The following PRCP variants were observed in gnomAD, a reference collection of about 807,000 sequenced individuals.
PRCP encodes lysosomal Pro-X carboxypeptidase.
A neutral mutation model predicts 54.2 loss-of-function variants in PRCP; 46 were observed. That is an observed-to-expected ratio of 0.85 (90% CI 0.67 to 1.09). The LOEUF is 1.09. Ranked by LOEUF, PRCP falls within the 50% of genes least tolerant of loss-of-function variation. The pLI is 0.00. For missense variants in PRCP, 613 were observed against 596.8 expected, an observed-to-expected ratio of 1.03 and a Z score of -0.28; for synonymous variants, 240 against 212.2, an observed-to-expected ratio of 1.13 and a Z score of -1.14.
intron 8 of PRCP, among the ~76,000 whole-genome samples, chr11:82,837,963 G>A (rs901054890): frequency 6.6e-6 from 1 of 152,200 alleles, no homozygotes; most frequent in Non-Finnish European, 1.5e-5. Flanking sequence ...TCACAGGGTT[G>A]TTGTGAGGAT....
At chr11:82,889,095 C>T (rs552484653) in intron 1 of PRCP, among the ~76,000 whole-genome samples, 14 of 121,606 alleles carry the variant, frequency 1.2e-4, no homozygotes, top group Admixed American at 8.6e-5. Flanking sequence ...GTGGCTCCCA[C>T]CTGTAATCCC....
chr11:82,850,103 A>T (rs1252612313), intron 4 of PRCP, 32 bp from the exon 5 acceptor site: 1 of 1,124,606 alleles, frequency 8.9e-7, no homozygotes, highest in Non-Finnish European at 1.1e-6. Flanking sequence ...GAAAGAAAAA[A>T]GAAAAGAAAA....
intron 1 of PRCP, among the ~76,000 whole-genome samples, chr11:82,870,750 G>C (rs1200139160): frequency 3.9e-5 from 6 of 152,188 alleles, no homozygotes; most frequent in African/African-American, 1.4e-4. Flanking sequence ...CTGCCGCTTA[G>C]CAGATATTTA....
chr11:82,852,061 A>T (rs1858972081), intron 3 of PRCP, among the ~76,000 whole-genome samples: 1 of 152,228 alleles, frequency 6.6e-6, no homozygotes, highest in Admixed American at 6.5e-5. Flanking sequence ...CATTTTGCTA[A>T]CACAGTATCA....
intron 6 of PRCP, among the ~76,000 whole-genome samples, chr11:82,848,322 C>A (rs1412334144): frequency 1.3e-5 from 2 of 152,154 alleles, no homozygotes; most frequent in Admixed American, 6.5e-5. Flanking sequence ...ATGAAAAGAA[C>A]CTTAAAATTT....
At chr11:82,851,008 A>G (rs1362173135) in intron 3 of PRCP, among the ~76,000 whole-genome samples, 2 of 152,248 alleles carry the variant, frequency 1.3e-5, no homozygotes, top group Non-Finnish European at 2.9e-5. Flanking sequence ...AAACAATTAT[A>G]AAATTGGAAA....
upstream of PRCP, chr11:82,901,080 C>T (rs115010799): frequency 1.0e-3 from 364 of 362,822 alleles, no homozygotes; most frequent in African/African-American, 7.3e-3. Context: ...AGCACGTCGT[C>T]GCAGACCGCT....
intron 8 of PRCP, chr11:82,826,542 A>G (rs1858239180): frequency 6.6e-6 from 1 of 152,196 alleles, no homozygotes; most frequent in Admixed American, 6.5e-5. Context: ...ACTACTTTCC[A>G]AAGGGACTAC....
chr11:82,871,338 C>T (rs1042582970), intron 1 of PRCP, among the ~76,000 whole-genome samples: 7 of 152,048 alleles, frequency 4.6e-5, no homozygotes, highest in African/African-American at 1.4e-4. Context: ...CCCACCATTC[C>T]CTGCTACTTT....
At chr11:82,882,170 C>A (rs965039840) in intron 1 of PRCP, among the ~76,000 whole-genome samples, 4 of 151,552 alleles carry the variant, frequency 2.6e-5, no homozygotes, top group African/African-American at 9.7e-5. Flanking sequence ...TCAGGGGTGG[C>A]AGAGGCAGAA....
At chr11:82,887,776 A>G (rs1289881941) in intron 1 of PRCP, among the ~76,000 whole-genome samples, 1 of 152,144 alleles carries the variant, frequency 6.6e-6, no homozygotes, top group African/African-American at 2.4e-5. Context: ...GTTACAAAGA[A>G]ATTATCTGAC....
intron 1 of PRCP, among the ~76,000 whole-genome samples, chr11:82,892,418 A>C (rs1860025139): frequency 6.6e-6 from 1 of 152,160 alleles, no homozygotes; most frequent in Admixed American, 6.5e-5. Context: ...TGTGAACCAG[A>C]AAGAAAAAAA....
intron 1 of PRCP, among the ~76,000 whole-genome samples, chr11:82,889,452 G>A (rs977961195): frequency 3.9e-5 from 6 of 152,026 alleles, no homozygotes; most frequent in Non-Finnish European, 8.8e-5. Flanking sequence ...GAGAAAGAAA[G>A]AAGAGGAAGA....
At chr11:82,889,609 TTAGAGG>T (rs1396863642) in intron 1 of PRCP, among the ~76,000 whole-genome samples, 1 of 151,478 alleles carries the variant, frequency 6.6e-6, no homozygotes, top group Admixed American at 6.6e-5. Flanking sequence ...GGAGGCAGTG[TTAGAGG>T]TAGGGGTTAA....
chr11:82,834,048 G>A (rs1480432448), intron 8 of PRCP, among the ~76,000 whole-genome samples: 1 of 152,158 alleles, frequency 6.6e-6, no homozygotes, highest in Non-Finnish European at 1.5e-5. Context: ...TAATATACTT[G>A]TAAAAGGACT....
intron 1 of PRCP, among the ~76,000 whole-genome samples, chr11:82,862,261 T>C (rs1859224244): frequency 6.6e-6 from 1 of 152,234 alleles, no homozygotes; most frequent in African/African-American, 2.4e-5. Flanking sequence ...GATTTCTTTT[T>C]ACCCTTTGAG....
At chr11:82,862,165 A>T (rs1441735378) in intron 1 of PRCP, among the ~76,000 whole-genome samples, 1 of 152,086 alleles carries the variant, frequency 6.6e-6, no homozygotes, top group Non-Finnish European at 1.5e-5. Context: ...TGACCTAAAG[A>T]CTTGTTCATT....
At chr11:82,894,294 A>G (rs1383246007) in intron 1 of PRCP, among the ~76,000 whole-genome samples, 1 of 152,168 alleles carries the variant, frequency 6.6e-6, no homozygotes, top group African/African-American at 2.4e-5. Flanking sequence ...TATTGTACCA[A>G]TTGAAGAGGT....
chr11:82,897,114 T>C (rs527558985), intron 1 of PRCP, among the ~76,000 whole-genome samples: 3 of 152,144 alleles, frequency 2.0e-5, no homozygotes, highest in Non-Finnish European at 4.4e-5. Context: ...ATACCACACA[T>C]ACTACACATG....
Sources: allele counts gnomAD v4.1 joint callset (sites outside exome capture counted in the v4.1 genomes callset), GRCh38; gene constraint gnomAD v4.1.1; transcripts MANE v1.5; gene names NCBI Gene and HGNC (gene_info 2026-07-23, HGNC 2026-07-21).